The following LRRIQ3 variants were observed in gnomAD, a reference collection of about 807,000 sequenced individuals.
LRRIQ3 encodes the protein leucine-rich repeat and IQ domain-containing protein 3.
LRRIQ3 carries 75 observed loss-of-function variants against 59.3 expected under a neutral mutation model. The ratio of observed to expected loss-of-function variants is 1.26; its 90% CI spans 1.05 to 1.53. The LOEUF (loss-of-function observed/expected upper bound fraction) is 1.53. LRRIQ3 is among the 40% of genes most tolerant of loss of function. LRRIQ3 has a pLI of 0.00. For missense variants in LRRIQ3, 831 were observed against 710.0 expected (o/e 1.17, Z -1.94); for synonymous variants, 250 against 231.3 (o/e 1.08, Z -0.73).
intron 6 of LRRIQ3, among the ~76,000 whole-genome samples, chr1:74,042,748 T>C (rs1304118848): frequency 6.6e-6 from 1 of 152,122 alleles, no homozygotes; most frequent in African/African-American, 2.4e-5. Flanking sequence ...CAGACAAAAT[T>C]ACTAAAACTC....
At chr1:74,138,175 A>C (rs989654044) in intron 4 of LRRIQ3, among the ~76,000 whole-genome samples, 3 of 149,556 alleles carry the variant, frequency 2.0e-5, no homozygotes, top group Admixed American at 6.7e-5. Flanking sequence ...AAAAAAAAAA[A>C]CAAAAAAACA....
intron 1 of LRRIQ3, among the ~76,000 whole-genome samples, chr1:74,194,119 A>G (rs1172780603): frequency 1.3e-5 from 2 of 152,158 alleles, no homozygotes; most frequent in Non-Finnish European, 2.9e-5. Flanking sequence ...ATAATCCCAG[A>G]ACTTTGAGAG....
intron 5 of LRRIQ3, chr1:74,084,166 A>G: frequency 6.5e-7 from 1 of 1,546,602 alleles, no homozygotes; most frequent in Non-Finnish European, 8.7e-7. Context: ...AGAGATGAAT[A>G]CACACATCCA....
chr1:74,190,797 T>C (rs1360921979), intron 1 of LRRIQ3, among the ~76,000 whole-genome samples: 5 of 151,988 alleles, frequency 3.3e-5, no homozygotes, highest in Non-Finnish European at 4.4e-5. Context: ...ATCTTACTTA[T>C]AAAGGATCAC....
At chr1:74,129,464 G>A (rs772506999) in intron 4 of LRRIQ3, among the ~76,000 whole-genome samples, 5 of 151,992 alleles carry the variant, frequency 3.3e-5, no homozygotes, top group Admixed American at 1.3e-4. Flanking sequence ...GCCAGGCCTA[G>A]GACTCTCCCT....
intron 4 of LRRIQ3, among the ~76,000 whole-genome samples, chr1:74,128,323 T>C (rs1646965109): frequency 6.6e-6 from 1 of 152,090 alleles, no homozygotes; most frequent in African/African-American, 2.4e-5. Context: ...TGTTTTGTGA[T>C]GGCATGTCTT....
intron 4 of LRRIQ3, among the ~76,000 whole-genome samples, chr1:74,152,806 G>A (rs1570220160): frequency 6.6e-6 from 1 of 152,094 alleles, no homozygotes; most frequent in East Asian, 1.9e-4. Flanking sequence ...AAAAGTAAAA[G>A]GAGCATGGAA....
chr1:74,131,910 T>G (rs939420846), intron 4 of LRRIQ3, among the ~76,000 whole-genome samples: 1 of 152,070 alleles, frequency 6.6e-6, no homozygotes, highest in Non-Finnish European at 1.5e-5. Flanking sequence ...TAAAGGGTAT[T>G]CAATTAGGAA....
intron 7 of LRRIQ3, among the ~76,000 whole-genome samples, chr1:74,032,176 G>A (rs2100361791): frequency 6.6e-6 from 1 of 151,920 alleles, no homozygotes; most frequent in Non-Finnish European, 1.5e-5. Flanking sequence ...TATTTTAAAT[G>A]TGTTAAATTT....
intron 3 of LRRIQ3, among the ~76,000 whole-genome samples, chr1:74,174,259 G>A (rs1392259977): frequency 6.6e-6 from 1 of 151,240 alleles, no homozygotes; most frequent in Admixed American, 6.6e-5. Context: ...CAAATGACCT[G>A]TCTTTAATTT....
At position 74,154,281 on chromosome 1, in the gene LRRIQ3, G is replaced by T. The variant is rs572916025; in HGVS notation, c.707+1452C>A. On this transcript the variant is annotated intron_variant, in intron 4 of 7. Coordinates refer to ENST00000354431, the MANE Select transcript of LRRIQ3 (RefSeq NM_001105659.2). The stretch of plus-strand genomic sequence containing the variant: ...AAAAAAAAAAAAAAAAAAAAAAAAT[G>T]TAATATCTACTTTTGTCAGGTGCTA... Among the ~76,000 whole-genome samples, 168 of 100,708 alleles carry T rather than the reference G, an allele frequency of 1.7e-3. 1 individual carries two copies. Among genetic ancestry groups the T allele is most frequent in the African/African-American group, 5.8e-3 (141 of 24,364 alleles). 66.1% of individuals were successfully genotyped at this position (100,708 alleles called of 152,430 possible).
chr1:74,073,722 A>C (rs925456948), intron 6 of LRRIQ3, among the ~76,000 whole-genome samples: 1 of 152,192 alleles, frequency 6.6e-6, no homozygotes, highest in African/African-American at 2.4e-5. Flanking sequence ...TTCATATGCA[A>C]AGAAGAGAAA....
chr1:74,065,970 C>T (rs1219538396), intron 6 of LRRIQ3, among the ~76,000 whole-genome samples: 9 of 151,784 alleles, frequency 5.9e-5, no homozygotes, highest in East Asian at 1.9e-4. Flanking sequence ...GTGAATCACC[C>T]GAGGTGAGGA....
At chr1:74,070,932 A>G (rs1164918312) in intron 6 of LRRIQ3, among the ~76,000 whole-genome samples, 1 of 151,358 alleles carries the variant, frequency 6.6e-6, no homozygotes, top group African/African-American at 2.4e-5. Flanking sequence ...TACCTATTGC[A>G]TGCCTTTAGC....
At chr1:74,183,298 T>C (rs939866279) in intron 2 of LRRIQ3, 138 bp downstream of exon 2, 19 of 702,882 alleles carry the variant, frequency 2.7e-5, no homozygotes, top group Non-Finnish European at 4.0e-5. Context: ...TTACATGCTT[T>C]TAATTTATTG....
At chr1:74,066,912 G>C (rs866783638) in intron 6 of LRRIQ3, among the ~76,000 whole-genome samples, 19 of 152,094 alleles carry the variant, frequency 1.2e-4, no homozygotes, top group African/African-American at 4.1e-4. Context: ...ACGAAATAAA[G>C]AGAATGGTAT....
intron 4 of LRRIQ3, among the ~76,000 whole-genome samples, chr1:74,117,465 A>C (rs1422851880): frequency 6.6e-6 from 1 of 152,194 alleles, no homozygotes; most frequent in Non-Finnish European, 1.5e-5. Context: ...TATTGTCTTG[A>C]TAAGATTAAT....
chr1:74,105,879 A>G (rs564359028), intron 5 of LRRIQ3, among the ~76,000 whole-genome samples: 1 of 152,066 alleles, frequency 6.6e-6, no homozygotes, highest in Non-Finnish European at 1.5e-5. Flanking sequence ...TATAAAACAA[A>G]TCTTACTTTA....
intron 4 of LRRIQ3, among the ~76,000 whole-genome samples, chr1:74,118,437 A>G (rs981983227): frequency 1.3e-5 from 2 of 152,130 alleles, no homozygotes; most frequent in African/African-American, 4.8e-5. Context: ...ATAATATTTT[A>G]TACTGTCTTT....
Sources: gnomAD v4.1 joint callset for allele counts (sites outside exome capture counted in the v4.1 genomes callset) on GRCh38, gnomAD v4.1.1 for gene constraint, MANE v1.5 for transcripts, NCBI Gene and HGNC (gene_info 2026-07-23, HGNC 2026-07-21) for gene names.